The following DSCAM variants were observed in gnomAD, a reference collection of about 807,000 sequenced individuals.
DSCAM encodes cell adhesion molecule DSCAM.
A neutral mutation model predicts 217.7 loss-of-function variants in DSCAM; 47 were observed. The observed-to-expected ratio is 0.22, with a 90% CI of 0.17 to 0.28. The LOEUF is 0.28. Among genes scored for constraint, DSCAM ranks in the 10% least tolerant of loss-of-function variants. The pLI is 1.00. For missense variants in DSCAM, 2,080 were observed against 2,618.3 expected (o/e 0.79, Z 4.49); for synonymous variants, 1,056 against 1,015.3 (o/e 1.04, Z -0.76).
intron 6 of DSCAM, among the ~76,000 whole-genome samples, chr21:40,345,615 C>T (rs2074549232): frequency 6.6e-6 from 1 of 152,034 alleles, no homozygotes; most frequent in African/African-American, 2.4e-5. Context: ...TCAGATTCTC[C>T]ATTGTATCTA....
chr21:40,058,352 C>T (rs1030884679), intron 28 of DSCAM, among the ~76,000 whole-genome samples: 3 of 152,116 alleles, frequency 2.0e-5, no homozygotes, highest in Non-Finnish European at 4.4e-5. Flanking sequence ...TGTCCTGTCC[C>T]CATTCTCTGT....
At chr21:40,557,342 G>A (rs2076680333) in intron 3 of DSCAM, among the ~76,000 whole-genome samples, 1 of 151,928 alleles carries the variant, frequency 6.6e-6, no homozygotes, top group Non-Finnish European at 1.5e-5. Context: ...GGCTTATTTG[G>A]CTTTTGTCTC....
intron 11 of DSCAM, among the ~76,000 whole-genome samples, chr21:40,210,240 T>G (rs2091168742): frequency 6.6e-6 from 1 of 152,210 alleles, no homozygotes; most frequent in South Asian, 2.1e-4. Flanking sequence ...TCCTACCTCC[T>G]CTATGGAGCC....
intron 19 of DSCAM, among the ~76,000 whole-genome samples, chr21:40,131,568 G>A (rs558395688): frequency 6.6e-6 from 1 of 152,290 alleles, no homozygotes; most frequent in African/African-American, 2.4e-5. Flanking sequence ...TGGGATTAGA[G>A]GTGCCCACCA....
At chr21:40,084,501 AACACACACAC>A (rs145863686) in intron 23 of DSCAM, among the ~76,000 whole-genome samples, 1,876 of 137,746 alleles carry the variant, frequency 0.014, 22 homozygotes, top group East Asian at 0.037. Flanking sequence ...TCCAAGATGC[AACACACACAC>A]ACACACACAC....
At chr21:40,328,545 A>G (rs552717406) in intron 8 of DSCAM, among the ~76,000 whole-genome samples, 67 of 152,320 alleles carry the variant, frequency 4.4e-4, no homozygotes, top group African/African-American at 1.5e-3. Context: ...GAGAAAACAT[A>G]GGGAAAAATC....
chr21:40,347,606 T>A, intron 6 of DSCAM, 64 bp downstream of exon 6: 1 of 1,600,650 alleles, frequency 6.2e-7, no homozygotes, highest in Non-Finnish European at 8.5e-7. Flanking sequence ...CCTGTCTTCT[T>A]CTTTTCTGAG....
chr21:40,689,652 C>G (rs191667973), intron 3 of DSCAM, among the ~76,000 whole-genome samples: 1 of 152,192 alleles, frequency 6.6e-6, no homozygotes, highest in African/African-American at 2.4e-5. Flanking sequence ...CTGCAGAGTA[C>G]GAATGCTTCC....
At chr21:40,579,161 A>G (rs1244638541) in intron 3 of DSCAM, among the ~76,000 whole-genome samples, 2 of 152,190 alleles carry the variant, frequency 1.3e-5, no homozygotes, top group Non-Finnish European at 2.9e-5. Context: ...AAAGCAAGCA[A>G]AAGACCTGAT....
chr21:40,385,877 A>T (rs1234005108), intron 3 of DSCAM, among the ~76,000 whole-genome samples: 1 of 152,254 alleles, frequency 6.6e-6, no homozygotes, highest in Non-Finnish European at 1.5e-5. Flanking sequence ...AATGCAAAGT[A>T]TAAAATAAAG....
intron 32 of DSCAM, among the ~76,000 whole-genome samples, chr21:40,018,053 T>C (rs1431190347): frequency 6.6e-6 from 1 of 151,752 alleles, no homozygotes; most frequent in African/African-American, 2.4e-5. Flanking sequence ...TTTAAAACTT[T>C]ATGAAACTTG....
chr21:40,526,645 C>T (rs946156068), intron 3 of DSCAM, among the ~76,000 whole-genome samples: 3 of 152,064 alleles, frequency 2.0e-5, no homozygotes, highest in African/African-American at 7.2e-5. Context: ...CTTTGCTTAT[C>T]AGATTTTTGC....
At chr21:40,824,849 C>T (rs1009911621) in intron 1 of DSCAM, among the ~76,000 whole-genome samples, 3 of 152,174 alleles carry the variant, frequency 2.0e-5, no homozygotes, top group African/African-American at 7.2e-5. Context: ...GCCCACGTTT[C>T]CCAGTCAAAA....
intron 3 of DSCAM, among the ~76,000 whole-genome samples, chr21:40,404,815 T>C (rs1033354051): frequency 1.3e-5 from 2 of 152,170 alleles, no homozygotes; most frequent in Non-Finnish European, 2.9e-5. Flanking sequence ...CCTGGCACTG[T>C]TTGCTTCAAA....
chr21:40,077,228 C>A (rs1265992755), intron 26 of DSCAM, among the ~76,000 whole-genome samples: 1 of 152,180 alleles, frequency 6.6e-6, no homozygotes, highest in Non-Finnish European at 1.5e-5. Context: ...GAAGAGCTTT[C>A]TACAAGCTCA....
intron 3 of DSCAM, among the ~76,000 whole-genome samples, chr21:40,544,939 G>A (rs961224915): frequency 6.6e-6 from 1 of 150,848 alleles, no homozygotes. Flanking sequence ...AGGTAGAATA[G>A]GCGCCAGAAT....
At chr21:40,323,125 C>A (rs971035082) in intron 8 of DSCAM, among the ~76,000 whole-genome samples, 2 of 152,166 alleles carry the variant, frequency 1.3e-5, no homozygotes, top group Non-Finnish European at 2.9e-5. Flanking sequence ...AAGGACTGTT[C>A]TTGCTCCAGA....
At chr21:40,719,258 G>A (rs187463936) in intron 1 of DSCAM, among the ~76,000 whole-genome samples, 22 of 152,228 alleles carry the variant, frequency 1.4e-4, no homozygotes, top group African/African-American at 5.3e-4. Context: ...AGTACAGTGG[G>A]GTACTACTAC....
At chr21:40,188,084 T>A in intron 12 of DSCAM, 97 bp from the exon 13 acceptor site, 1 of 830,986 alleles carries the variant, frequency 1.2e-6, no homozygotes, top group Non-Finnish European at 1.9e-6. Context: ...TCTCCTGCCA[T>A]GCCAAGCACA....
Sources: allele counts gnomAD v4.1 joint callset (sites outside exome capture counted in the v4.1 genomes callset), GRCh38; gene constraint gnomAD v4.1.1; transcripts MANE v1.5; gene names NCBI Gene and HGNC (gene_info 2026-07-23, HGNC 2026-07-21).